The following PPP1R13B variants were observed in gnomAD, a reference collection of about 807,000 sequenced individuals.
The protein encoded by PPP1R13B is apoptosis-stimulating of p53 protein 1.
A neutral mutation model predicts 119.8 loss-of-function variants in PPP1R13B; 44 were observed. That is an observed-to-expected ratio of 0.37 (90% CI 0.29 to 0.47). The LOEUF is 0.47. PPP1R13B is among the 20% of genes least tolerant of loss of function. The pLI is 0.99. For synonymous variants in PPP1R13B, 542 were observed against 561.5 expected (o/e 0.97, Z 0.49); for missense variants, 1,227 against 1,413.5 (o/e 0.87, Z 2.12).
chr14:103,777,061 C>T (rs774784276), intron 4 of PPP1R13B, among the ~76,000 whole-genome samples: 5 of 151,650 alleles, frequency 3.3e-5, no homozygotes, highest in Admixed American at 6.6e-5. Context: ...GGCACGATCT[C>T]GGCTCATTGC....
chr14:103,804,399 AAC>A lies in PPP1R13B; in HGVS notation c.10-6883_10-6882del, dbSNP rs534530154. ...TGGCAATCCAAGGAAACCAAAGCAA[AAC>A]ACAAATTGAGGATGTATAAGCTATT... is the stretch of plus-strand genomic sequence containing the variant. On this transcript the variant is annotated intron_variant, in intron 1 of 16. Transcript: ENST00000202556. Among the ~76,000 whole-genome samples the A allele has an allele frequency of 4.3e-4, 66 of 152,272 alleles. 1 individual carries two copies. In the Middle Eastern group the frequency reaches 0.014, roughly 31 times the overall value.
rs763839819 is a variant in PPP1R13B, at chr14:103,746,400, T to C, written c.1123A>G (p.Asn375Asp). The change falls in exon 9 of 17, where the codon AAT (asparagine) becomes GAT (aspartate). Residue 375 changes from asparagine to aspartate, a missense_variant. Physicochemically the swap from Asn to Asp is conservative, Grantham distance 23. Coordinates refer to ENST00000202556, the MANE Select transcript of PPP1R13B (RefSeq NM_015316.3). ...IKPQSLSIAS[N>D]AAHGRSKSAN... ...GATTTGGATCTTCCATGAGCAGCAT[T>C]TGAGGCAATACTGAGAGACTGGGGC... 1.9e-6 allele frequency: 3 copies of C among 1,611,000 alleles called. No individual in the cohort carries two copies. Among genetic ancestry groups the C allele is most frequent in the East Asian group, 2.2e-5 (1 of 44,732 alleles).
At chr14:103,822,906 T>C (rs960439576) in intron 1 of PPP1R13B, among the ~76,000 whole-genome samples, 2 of 152,152 alleles carry the variant, frequency 1.3e-5, no homozygotes, top group Non-Finnish European at 2.9e-5. Context: ...AGGTAGGTCA[T>C]ATCATCCCCA....
Position 103,740,691 on chromosome 14 carries a change from C to T in PPP1R13B, c.1823-98G>A, listed in dbSNP as rs1037561275. 10 of 1,025,478 alleles carry T rather than the reference C, an allele frequency of 9.8e-6. No homozygotes were observed. In the African/African-American group the frequency reaches 1.4e-4, roughly 15 times the overall value. 63.5% of individuals were successfully genotyped at this position (1,025,478 alleles called of 1,614,324 possible). A position where few individuals can be genotyped will look rare whatever the true frequency, so the allele number is the denominator to read the frequency against. ...CCAGAGACAGGCTCCTGCAAAGACA[C>T]ACATATACATCTGCTGCTGTTATTC... On this transcript the variant is annotated intron_variant, in intron 11 of 16. Transcript: ENST00000202556. The surrounding 1 kb of genome is among the most constrained non-coding windows in gnomAD (Gnocchi z 4.6).
rs1366509867 is a variant in PPP1R13B at position 103,757,694 on chromosome 14, G to T, written c.412C>A (p.Gln138Lys). Residue 138 changes from glutamine to lysine, a missense_variant, in exon 5 of 17, where the codon CAA becomes AAA. By Grantham distance (53) the Gln-to-Lys change is moderately conservative (BLOSUM62 1). Coordinates refer to ENST00000202556, the MANE Select transcript of PPP1R13B (RefSeq NM_015316.3). ...TGCTGATTTTCAATCTGCTGCTGTTGCCTAGCTGCCATATCTTGGAGCTCT... is the reference window on the plus strand; with the variant it reads ...TGCTGATTTTCAATCTGCTGCTGTTTCCTAGCTGCCATATCTTGGAGCTCT... Reference protein sequence around the residue: ...LSELQDMAARQQQQIENQQQM... With the variant: ...LSELQDMAARKQQQIENQQQM... The T allele has an allele frequency of 1.3e-5, 21 of 1,613,910 alleles. No homozygotes were observed. The highest frequency in any genetic ancestry group is 1.8e-5 in the Non-Finnish European group (21 of 1,179,966).
chr14:103,748,523 G>A (rs181981907), intron 8 of PPP1R13B, among the ~76,000 whole-genome samples: 1 of 152,350 alleles, frequency 6.6e-6, no homozygotes, highest in Admixed American at 6.5e-5. Context: ...ATGCAGAAGG[G>A]AGATGTGGGA....
At chr14:103,812,545 G>A (rs2086184778) in intron 1 of PPP1R13B, among the ~76,000 whole-genome samples, 1 of 151,802 alleles carries the variant, frequency 6.6e-6, no homozygotes, top group Non-Finnish European at 1.5e-5. Flanking sequence ...TCAGCTTCCT[G>A]AGTAGCGGGG....
At chr14:103,765,430 C>T (rs1463082557) in intron 4 of PPP1R13B, among the ~76,000 whole-genome samples, 1 of 152,162 alleles carries the variant, frequency 6.6e-6, no homozygotes, top group Non-Finnish European at 1.5e-5. Flanking sequence ...TGGCCTCTCT[C>T]CACCAAACTC....
intron 5 of PPP1R13B, among the ~76,000 whole-genome samples, chr14:103,754,501 G>T (rs1020528715): frequency 1.4e-5 from 2 of 139,510 alleles, no homozygotes; most frequent in African/African-American, 5.4e-5. Flanking sequence ...GATGGAGGTT[G>T]CAGTGAGCTG....
At chr14:103,737,471 G>A (rs2151960182) in intron 15 of PPP1R13B, 1 of 465,394 alleles carries the variant, frequency 2.1e-6, no homozygotes, top group Non-Finnish European at 3.7e-6. Flanking sequence ...AGCTACTTGG[G>A]AGGCTGAAGT....
chr14:103,839,144 C>T (rs2086844342), intron 1 of PPP1R13B, among the ~76,000 whole-genome samples: 1 of 152,144 alleles, frequency 6.6e-6, no homozygotes, highest in African/African-American at 2.4e-5. Flanking sequence ...TCCCAAGTAG[C>T]TGTGATTACA....
intron 1 of PPP1R13B, among the ~76,000 whole-genome samples, chr14:103,814,551 C>T (rs1319414652): frequency 3.9e-5 from 6 of 152,128 alleles, no homozygotes; most frequent in Non-Finnish European, 7.4e-5. Flanking sequence ...CACTTATAAT[C>T]CCAAGACTTT....
chr14:103,752,988 C>G lies in PPP1R13B; in HGVS notation c.828+12G>C. ...ATGTTTTAATACAACCATTGCCAGA[C>G]CCAGGAGTTACCTGTAGTTCTTGGT... On this transcript the variant is annotated intron_variant, in intron 7 of 16. Coordinates refer to ENST00000202556, the MANE Select transcript of PPP1R13B (RefSeq NM_015316.3). The G allele has an allele frequency of 6.2e-7, 1 of 1,611,684 alleles. No homozygotes were observed. The highest frequency in any genetic ancestry group is 8.5e-7 in the Non-Finnish European group (1 of 1,178,346).
intron 9 of PPP1R13B, among the ~76,000 whole-genome samples, chr14:103,743,234 A>C (rs1205317881): frequency 2.0e-5 from 3 of 152,240 alleles, no homozygotes; most frequent in Non-Finnish European, 4.4e-5. Context: ...TAGAGCAATA[A>C]AAAAGATTTA....
chr14:103,836,546 G>A (rs8017200), intron 1 of PPP1R13B, among the ~76,000 whole-genome samples: 44,145 of 151,480 alleles, frequency 0.29, 6,914 homozygotes, highest in Non-Finnish European at 0.34. Context: ...AGAGGCAGGC[G>A]GATCATGAGG....
Position 103,740,374 on chromosome 14 carries a change from G to C in PPP1R13B, c.2042C>G (p.Ser681Trp). The change falls in exon 12 of 17, where the codon TCG (serine) becomes TGG (tryptophan). Residue 681 changes from serine to tryptophan, a missense_variant. Physicochemically the swap from Ser to Trp is radical, Grantham distance 177. Transcript: ENST00000202556. The surrounding 1 kb of genome is among the most constrained non-coding windows in gnomAD (Gnocchi z 4.6). Reference protein sequence around the residue: ...SPTKLTPIVHSPLRYQSDADL... With the variant: ...SPTKLTPIVHWPLRYQSDADL... ...TGCATCACTCTGGTAGCGCAGTGGC[G>C]AATGCACGATGGGCGTGAGCTTGGT... 2 of 1,567,852 alleles carry C rather than the reference G, an allele frequency of 1.3e-6. No homozygotes were observed. The highest frequency in any genetic ancestry group is 1.7e-6 in the Non-Finnish European group (2 of 1,154,588).
chr14:103,775,594 C>G (rs950708652), intron 4 of PPP1R13B, among the ~76,000 whole-genome samples: 6 of 152,138 alleles, frequency 3.9e-5, no homozygotes, highest in Non-Finnish European at 7.3e-5. Context: ...TCTTAGAACT[C>G]AAAAAGATCT....
intron 4 of PPP1R13B, among the ~76,000 whole-genome samples, chr14:103,761,996 G>A (rs1441062916): frequency 6.6e-6 from 1 of 152,212 alleles, no homozygotes; most frequent in Non-Finnish European, 1.5e-5. Flanking sequence ...AGGCAGGGGA[G>A]CATCTTCGAC....
At chr14:103,839,627 C>CAAA (rs34211181) in intron 1 of PPP1R13B, among the ~76,000 whole-genome samples, 12 of 135,080 alleles carry the variant, frequency 8.9e-5, no homozygotes, top group South Asian at 2.5e-4. Flanking sequence ...AACTCTGCCT[C>CAAA]AAAAAAAAAA....
Sources: allele counts gnomAD v4.1 joint callset (sites outside exome capture counted in the v4.1 genomes callset), GRCh38; gene constraint gnomAD v4.1.1; non-coding constraint Gnocchi (gnomAD v3.1); transcripts MANE v1.5; gene names NCBI Gene and HGNC (gene_info 2026-07-23, HGNC 2026-07-21).